The following ADCY2 variants were observed in gnomAD, a reference collection of about 807,000 sequenced individuals.
ADCY2 encodes adenylate cyclase type 2.
ADCY2 carries 31 observed loss-of-function variants against 125.2 expected under a neutral mutation model. The observed-to-expected ratio is 0.25, with a 90% CI of 0.19 to 0.33. The LOEUF is 0.33. ADCY2 is among the 10% of genes least tolerant of loss of function. The pLI, the probability that ADCY2 is intolerant of heterozygous loss-of-function variation, is 1.00. For synonymous variants in ADCY2, 512 were observed against 548.4 expected (o/e 0.93, Z 0.93); for missense variants, 904 against 1,418.2 (o/e 0.64, Z 5.82).
chr5:7,410,624 T>C (rs917766536), intron 1 of ADCY2, among the ~76,000 whole-genome samples: 3 of 152,224 alleles, frequency 2.0e-5, no homozygotes, highest in Non-Finnish European at 1.5e-5. Flanking sequence ...ATGCATTATA[T>C]GGTAAATTTT....
At chr5:7,592,819 C>A (rs1246756133) in intron 3 of ADCY2, among the ~76,000 whole-genome samples, 2 of 152,086 alleles carry the variant, frequency 1.3e-5, no homozygotes, top group Non-Finnish European at 2.9e-5. Flanking sequence ...AGAAAACCCT[C>A]CTTTAACTGT....
chr5:7,504,637 G>A (rs2126509152), intron 2 of ADCY2, among the ~76,000 whole-genome samples: 1 of 138,088 alleles, frequency 7.2e-6, no homozygotes, highest in Admixed American at 7.5e-5. Context: ...TTTTTTGACA[G>A]GGTCTTGCTC....
chr5:7,675,019 G>T (rs1740072672), intron 4 of ADCY2, among the ~76,000 whole-genome samples: 1 of 152,042 alleles, frequency 6.6e-6, no homozygotes, highest in Non-Finnish European at 1.5e-5. Context: ...GCTGGGCGTG[G>T]TGGCGGGCAC....
At chr5:7,658,508 C>T (rs1442166294) in intron 4 of ADCY2, among the ~76,000 whole-genome samples, 1 of 150,740 alleles carries the variant, frequency 6.6e-6, no homozygotes, top group Non-Finnish European at 1.5e-5. Context: ...CAATGTCTGC[C>T]TTCTGGGTTC....
intron 2 of ADCY2, among the ~76,000 whole-genome samples, chr5:7,493,775 G>GATACAC (rs1474921464): frequency 6.6e-6 from 1 of 152,170 alleles, no homozygotes; most frequent in Non-Finnish European, 1.5e-5. Flanking sequence ...ACTGCTCTGA[G>GATACAC]ATACACAAAT....
Position 7,396,379 on chromosome 5 carries a change from G to T in ADCY2, c.83G>T (p.Arg28Leu), listed in dbSNP as rs779803889. The change falls in exon 1 of 25, where the codon CGG becomes CTG. Residue 28 changes from arginine to leucine, a missense_variant. Physicochemically the swap from Arg to Leu is moderately radical, Grantham distance 102. Around this residue, in one of 7 missense-constraint regions of ADCY2, gnomAD observed 113 missense variants for 108.0 expected, o/e 1.05. Coordinates refer to ENST00000338316, the MANE Select transcript of ADCY2 (RefSeq NM_020546.3). The surrounding 1 kb of genome is among the most constrained non-coding windows in gnomAD (Gnocchi z 5.7). ...GCGGGCGGCGGAGACGGGCTGCCGC[G>T]GTCCCGGGACTGGCTCTACGAGTCC... Reference protein sequence around the residue: ...EAAGGGDGLPRSRDWLYESYY... With the variant: ...EAAGGGDGLPLSRDWLYESYY... 2 of 1,558,696 alleles carry T rather than the reference G, an allele frequency of 1.3e-6. No individual in the cohort carries two copies. The highest frequency in any genetic ancestry group is 1.2e-5 in the South Asian group (1 of 86,574).
chr5:7,705,716 G>T (rs1741247357), intron 7 of ADCY2, among the ~76,000 whole-genome samples: 1 of 152,184 alleles, frequency 6.6e-6, no homozygotes, highest in Non-Finnish European at 1.5e-5. Context: ...GGGTAGCTGG[G>T]TTTTTTGCAA....
At chr5:7,820,133 T>C (rs1314336256) in intron 23 of ADCY2, among the ~76,000 whole-genome samples, 2 of 152,226 alleles carry the variant, frequency 1.3e-5, no homozygotes, top group African/African-American at 2.4e-5. Flanking sequence ...TTACCTCTTC[T>C]GTACCTGCAA....
intron 24 of ADCY2, among the ~76,000 whole-genome samples, chr5:7,822,376 C>G (rs908033848): frequency 1.3e-5 from 2 of 152,132 alleles, no homozygotes; most frequent in African/African-American, 4.8e-5. Context: ...TCAATTTTAC[C>G]ATTATTACAC....
In ADCY2 at chr5:7,486,165, C is replaced by T. The variant is rs891100511; in HGVS notation, c.409-34573C>T. ...GTGGGCATTCAAAGTGTGCACTGCCCGACTGTCGCTATCTCTTCATTATAG... is the reference window on the plus strand; with the variant it reads ...GTGGGCATTCAAAGTGTGCACTGCCTGACTGTCGCTATCTCTTCATTATAG... On this transcript the variant is annotated intron_variant, in intron 2 of 24. Coordinates refer to ENST00000338316, the MANE Select transcript of ADCY2 (RefSeq NM_020546.3). Among the ~76,000 whole-genome samples, 8 of 152,194 alleles carry T rather than the reference C, an allele frequency of 5.3e-5. No homozygotes were observed. In the South Asian group the frequency reaches 8.3e-4, roughly 16 times the overall value.
chr5:7,416,376 G>C (rs541916333), intron 2 of ADCY2, among the ~76,000 whole-genome samples: 4 of 152,096 alleles, frequency 2.6e-5, no homozygotes, highest in Non-Finnish European at 5.9e-5. Flanking sequence ...GGCTGGGCGC[G>C]GCCCCCATGC....
chr5:7,655,608 G>C (rs1467002831), intron 4 of ADCY2, among the ~76,000 whole-genome samples: 1 of 152,166 alleles, frequency 6.6e-6, no homozygotes, highest in Admixed American at 6.5e-5. Context: ...AGCGCAGTCT[G>C]CTTTACCAAG....
chr5:7,618,991 A>C (rs1737858119), intron 3 of ADCY2, among the ~76,000 whole-genome samples: 1 of 152,234 alleles, frequency 6.6e-6, no homozygotes, highest in Non-Finnish European at 1.5e-5. Flanking sequence ...CACAGAGACC[A>C]GCATTTTTAG....
chr5:7,603,778 C>CCTACATATGG (rs1737298593), intron 3 of ADCY2, among the ~76,000 whole-genome samples: 1 of 44,972 alleles, frequency 2.2e-5, no homozygotes, highest in Non-Finnish European at 4.4e-5. Flanking sequence ...GGGTAATGCT[C>CCTACATATGG]TCTTTCTTTT....
chr5:7,626,244 T>G lies in ADCY2; in HGVS notation c.648T>G (p.Leu216=), dbSNP rs1183575042. Residue 216 remains leucine (L), a synonymous_variant, in exon 4 of 25, where the codon CTT becomes CTG. Transcript: ENST00000338316. ...AYHKHLMELA[L]QQTYQDTCNC... The stretch of plus-strand genomic sequence containing the variant: ...ATAAGCACCTCATGGAACTCGCTCT[T>G]CAGCAAACATATCAGGACACCTGTA... 1 of 1,614,160 alleles carries G rather than the reference T, an allele frequency of 6.2e-7. No individual in the cohort carries two copies. The highest frequency in any genetic ancestry group is 1.3e-5 in the African/African-American group (1 of 75,050).
intron 4 of ADCY2, among the ~76,000 whole-genome samples, chr5:7,684,666 A>T (rs1279475661): frequency 6.6e-6 from 1 of 151,502 alleles, no homozygotes; most frequent in African/African-American, 2.4e-5. Context: ...ATCCAGCTGG[A>T]TGGAAAGAGC....
At chr5:7,517,176 CT>C (rs1269277164) in intron 2 of ADCY2, among the ~76,000 whole-genome samples, 2 of 152,122 alleles carry the variant, frequency 1.3e-5, no homozygotes, top group Non-Finnish European at 2.9e-5. Flanking sequence ...ACACTTGAAA[CT>C]TTTATTGGAA....
chr5:7,411,038 G>A (rs1579415169), intron 1 of ADCY2, among the ~76,000 whole-genome samples: 1 of 152,272 alleles, frequency 6.6e-6, no homozygotes, highest in Middle Eastern at 3.4e-3. Context: ...GCGAGGCCAG[G>A]GAAGACTGTG....
intron 3 of ADCY2, among the ~76,000 whole-genome samples, chr5:7,521,964 T>C (rs1195655033): frequency 6.6e-6 from 1 of 152,164 alleles, no homozygotes; most frequent in African/African-American, 2.4e-5. Context: ...AGTTTCACCC[T>C]GGCTTGTTTG....
Sources: allele counts gnomAD v4.1 joint callset (sites outside exome capture counted in the v4.1 genomes callset), GRCh38; gene constraint gnomAD v4.1.1; regional missense constraint gnomAD v4.1.1; non-coding constraint Gnocchi (gnomAD v3.1); transcripts MANE v1.5; gene names NCBI Gene and HGNC (gene_info 2026-07-23, HGNC 2026-07-21).